The following CFAP54 variants were observed in gnomAD, a reference collection of about 807,000 sequenced individuals.
The protein encoded by CFAP54 is cilia- and flagella-associated protein 54.
CFAP54 carries 290 observed loss-of-function variants against 370.4 expected under a neutral mutation model. The observed-to-expected ratio is 0.78, with a 90% confidence interval of 0.71 to 0.86. CFAP54 has a LOEUF of 0.86. Ranked by LOEUF, CFAP54 falls within the 40% of genes least tolerant of loss-of-function variation. The pLI is 0.00. For synonymous variants in CFAP54, 1,206 were observed against 1,236.5 expected, an observed-to-expected ratio of 0.98 and a Z score of 0.52; for missense variants, 3,399 against 3,528.7, an observed-to-expected ratio of 0.96 and a Z score of 0.93.
chr12:96,662,689 T>C (rs953136917), intron 38 of CFAP54, among the ~76,000 whole-genome samples: 1 of 152,130 alleles, frequency 6.6e-6, no homozygotes, highest in African/African-American at 2.4e-5. Flanking sequence ...CAGTAACTCC[T>C]GTCCTATTAC....
Position 96,742,483 on chromosome 12 carries a change from C to T in CFAP54, c.7116C>T (p.Ser2372=). 6.2e-7 allele frequency: 1 copy of T among 1,606,846 alleles called. No homozygotes were observed. Among genetic ancestry groups the T allele is most frequent in the Non-Finnish European group, 8.5e-7 (1 of 1,174,242 alleles). ...ACAGTGAGTTTTTAGATCCTATTTC[C>T]CTAAATGCCCGAGAATATTTCAACA... The part of the protein sequence containing the change: ...KDDSEFLDPI[S]LNAREYFNIH... Residue 2372 remains serine (S), a synonymous_variant, in exon 52 of 68, where the codon TCC becomes TCT. Transcript: ENST00000524981.
chr12:96,769,037 A>T (rs1958429572), intron 60 of CFAP54, among the ~76,000 whole-genome samples: 1 of 152,204 alleles, frequency 6.6e-6, no homozygotes. Flanking sequence ...TGCACCTAGT[A>T]CAATTACTGA....
intron 25 of CFAP54, among the ~76,000 whole-genome samples, chr12:96,595,624 A>G (rs189519938): frequency 6.6e-6 from 1 of 152,276 alleles, no homozygotes; most frequent in East Asian, 1.9e-4. Flanking sequence ...GAGGGGCTCT[A>G]CGGAGCATAG....
chr12:96,631,316 G>A (rs1956605256), intron 32 of CFAP54, among the ~76,000 whole-genome samples: 1 of 151,774 alleles, frequency 6.6e-6, no homozygotes, highest in Non-Finnish European at 1.5e-5. Flanking sequence ...TGAAATCCCT[G>A]TGTACCCGTG....
At position 96,720,525 on chromosome 12, in the gene CFAP54, C is replaced by T; in HGVS notation, c.6925C>T (p.Leu2309=). 6.3e-7 allele frequency: 1 copy of T among 1,587,278 alleles called. No homozygotes were observed. Among genetic ancestry groups the T allele is most frequent in the Non-Finnish European group, 8.6e-7 (1 of 1,164,050 alleles). The change falls in exon 50 of 68, where the codon CTG becomes TTG. Residue 2309 remains leucine, a synonymous_variant. Transcript: ENST00000524981. ...GATTGTGGTGGAGGCCCGGCTTCAG[C>T]TGGCTGCAGTTGCTCTGCAGAGGCA... is the stretch of plus-strand genomic sequence containing the variant. The part of the protein sequence containing the change: ...LEIVVEARLQ[L]AAVALQRHRA...
At chr12:96,698,396 A>G (rs1371416910) in intron 45 of CFAP54, among the ~76,000 whole-genome samples, 2 of 152,184 alleles carry the variant, frequency 1.3e-5, no homozygotes, top group Non-Finnish European at 2.9e-5. Context: ...TTGTAGCACT[A>G]TTCACAATAG....
intron 63 of CFAP54, among the ~76,000 whole-genome samples, chr12:96,806,214 AAT>A (rs1482279881): frequency 3.1e-5 from 3 of 96,308 alleles, no homozygotes; most frequent in African/African-American, 1.2e-4. Context: ...ATATATATAT[AAT>A]AACAACATAA....
intron 14 of CFAP54, among the ~76,000 whole-genome samples, chr12:96,542,941 T>C (rs1373418228): frequency 6.6e-6 from 1 of 152,236 alleles, no homozygotes; most frequent in Non-Finnish European, 1.5e-5. Flanking sequence ...GTCATTATCC[T>C]GTGGGATTTT....
At chr12:96,808,618 T>C (rs1958904111) in intron 63 of CFAP54, among the ~76,000 whole-genome samples, 1 of 152,206 alleles carries the variant, frequency 6.6e-6, no homozygotes, top group Non-Finnish European at 1.5e-5. Flanking sequence ...CTCTCTTATC[T>C]GAGGAGGAGC....
At chr12:96,716,764 A>G (rs1291508202) in intron 48 of CFAP54, among the ~76,000 whole-genome samples, 1 of 152,210 alleles carries the variant, frequency 6.6e-6, no homozygotes, top group Non-Finnish European at 1.5e-5. Flanking sequence ...GAACTCTGGA[A>G]TTTAGTCTGG....
In CFAP54 at chr12:96,664,759, A is replaced by ATATATCTATATCTATATC. The variant is rs1295272845; in HGVS notation, c.5563+833_5563+850dup. 6.6e-3 allele frequency among the ~76,000 whole-genome samples: 173 copies of ATATATCTATATCTATATC among 26,036 alleles called. 1 individual carries two copies. The highest frequency in any genetic ancestry group is 8.3e-3 in the Non-Finnish European group (126 of 15,238). The allele number at this position is 26,036 out of a possible 152,430, so 17.1% of individuals were successfully genotyped here. ...TATATCTATATATATATATATCTATATATATCTATATCTATATCTATATAT... is the reference window on the plus strand; with the variant it reads ...TATATCTATATATATATATATCTATATATATCTATATCTATATCTATATCTATATCTATATCTATATAT... On this transcript the variant is annotated intron_variant, in intron 39 of 67. Coordinates refer to ENST00000524981, the MANE Select transcript of CFAP54 (RefSeq NM_001306084.2).
intron 28 of CFAP54, among the ~76,000 whole-genome samples, chr12:96,624,910 TTA>T (rs1480923283): frequency 6.6e-6 from 1 of 152,172 alleles, no homozygotes; most frequent in Non-Finnish European, 1.5e-5. Context: ...AATCATCTTA[TTA>T]TATATATAAA....
intron 48 of CFAP54, among the ~76,000 whole-genome samples, chr12:96,710,568 G>A (rs1043888304): frequency 1.3e-5 from 2 of 152,112 alleles, no homozygotes; most frequent in Non-Finnish European, 2.9e-5. Context: ...GTTTGCACAT[G>A]AAAGGTGTAC....
intron 67 of CFAP54, among the ~76,000 whole-genome samples, chr12:96,872,424 A>G (rs1328383872): frequency 6.6e-6 from 1 of 152,214 alleles, no homozygotes; most frequent in East Asian, 1.9e-4. Context: ...TATTTTAAAT[A>G]AAAGACACCA....
chr12:96,644,051 C>T (rs991972023), intron 32 of CFAP54, 127 bp from the exon 33 acceptor site: 44 of 675,978 alleles, frequency 6.5e-5, no homozygotes, highest in Non-Finnish European at 1.1e-4. Context: ...GATAAATAAG[C>T]CAGAAACATT....
chr12:96,567,201 A>C (rs1955872242), intron 19 of CFAP54, among the ~76,000 whole-genome samples: 1 of 152,210 alleles, frequency 6.6e-6, no homozygotes. Context: ...GAAATGTCAT[A>C]GAGTGCTTGT....
chr12:96,740,089 C>T (rs1958034283), intron 51 of CFAP54, 28 bp downstream of exon 51: 1 of 1,185,012 alleles, frequency 8.4e-7, no homozygotes, highest in African/African-American at 1.5e-5. Flanking sequence ...TCTGTTCTTA[C>T]AATACTTATC....
intron 60 of CFAP54, among the ~76,000 whole-genome samples, chr12:96,782,614 C>A (rs1958591376): frequency 6.6e-6 from 1 of 151,834 alleles, no homozygotes; most frequent in Non-Finnish European, 1.5e-5. Flanking sequence ...GAAAACATAC[C>A]ATGTTTATAG....
chr12:96,833,493 A>T (rs534265567), intron 66 of CFAP54, among the ~76,000 whole-genome samples: 1 of 142,476 alleles, frequency 7.0e-6, no homozygotes, highest in South Asian at 2.3e-4. Flanking sequence ...TGCCTAATCA[A>T]TTACACACGC....
Sources: allele counts gnomAD v4.1 joint callset (sites outside exome capture counted in the v4.1 genomes callset), GRCh38; gene constraint gnomAD v4.1.1; transcripts MANE v1.5; gene names NCBI Gene and HGNC (gene_info 2026-07-23, HGNC 2026-07-21).